Variants in TASOR2 observed in about 807,000 individuals in gnomAD.
The protein encoded by TASOR2 is transcription activation suppressor family member 2.
In TASOR2, 84 loss-of-function variants were observed where a neutral mutation model predicts 199.5. The observed-to-expected ratio is 0.42, with a 90% CI of 0.35 to 0.50. The LOEUF (loss-of-function observed/expected upper bound fraction) is 0.50. TASOR2 is among the 20% of genes least tolerant of loss of function. The probability of loss-of-function intolerance (pLI) is 0.02; values close to 1 mark genes in which losing one functional copy is unlikely to be tolerated. For synonymous variants in TASOR2, 1,103 were observed against 1,046.6 expected (o/e 1.05, Z -1.04); for missense variants, 2,796 against 2,835.9 (o/e 0.99, Z 0.32).
rs893901052 is a variant in TASOR2 at position 5,698,813 on chromosome 10, C to A, written c.-288+13638C>A. On this transcript the variant is annotated intron_variant, in intron 1 of 20. Coordinates refer to ENST00000328090, the Ensembl canonical transcript of TASOR2. The surrounding 1 kb of genome is among the most constrained non-coding windows in gnomAD (Gnocchi z 4.4). ...TCATACCCATTAAGATAGCTGTAAT[C>A]AAAAAGACAGATAATAACAAGTGTT... 1.3e-5 allele frequency among the ~76,000 whole-genome samples: 2 copies of A among 152,118 alleles called. No homozygotes were observed. Among genetic ancestry groups the A allele is most frequent in the South Asian group, 2.1e-4 (1 of 4,810 alleles).
At chr10:5,745,427 G>T (rs1244849604) in intron 14 of TASOR2, among the ~76,000 whole-genome samples, 1 of 152,150 alleles carries the variant, frequency 6.6e-6, no homozygotes, top group Non-Finnish European at 1.5e-5. Flanking sequence ...AGTTTCAGAT[G>T]ATGGTGTACT....
In TASOR2 at chr10:5,754,355, C is replaced by G. The variant is rs962647349; in HGVS notation, c.6607-2258C>G. Reference sequence around the variant, plus strand: ...ATAATGATTTTCATGAAGAAGAGAGCATGGCAATGCTAAGTTTTATTCATA... The same window carrying G: ...ATAATGATTTTCATGAAGAAGAGAGGATGGCAATGCTAAGTTTTATTCATA... On this transcript the variant is annotated intron_variant, in intron 15 of 20. Coordinates refer to ENST00000328090, the Ensembl canonical transcript of TASOR2. The surrounding 1 kb of genome is among the most constrained non-coding windows in gnomAD (Gnocchi z 4.3). Among the ~76,000 whole-genome samples the G allele has an allele frequency of 6.6e-6, 1 of 151,966 alleles. No individual in the cohort carries two copies. The highest frequency in any genetic ancestry group is 1.9e-4 in the East Asian group (1 of 5,186).
intron 14 of TASOR2, chr10:5,743,722 TATAAA>T (rs1209039756): frequency 6.6e-6 from 1 of 152,240 alleles, no homozygotes; most frequent in Non-Finnish European, 1.5e-5. Flanking sequence ...GCTAGTTTCT[TATAAA>T]ATACCATTTG....
chr10:5,692,751 G>A (rs922655390), intron 1 of TASOR2: 3 of 151,792 alleles, frequency 2.0e-5, no homozygotes, highest in African/African-American at 7.2e-5. Flanking sequence ...CGGAGCCGGC[G>A]TCGCCCTTGT....
At chr10:5,691,782 T>A (rs1038826754) in intron 1 of TASOR2, among the ~76,000 whole-genome samples, 15 of 152,266 alleles carry the variant, frequency 9.9e-5, no homozygotes, top group Non-Finnish European at 1.5e-5. Context: ...TTGATTAAAT[T>A]TTTCGTAAAT....
intron 3 of TASOR2, among the ~76,000 whole-genome samples, chr10:5,718,894 A>G (rs777164770): frequency 1.1e-4 from 16 of 152,106 alleles, no homozygotes; most frequent in Non-Finnish European, 1.8e-4. Flanking sequence ...GCAGATAATA[A>G]GCATTTCGTT....
chr10:5,727,263 C>A, intron 10 of TASOR2, 140 bp downstream of exon 11: 1 of 791,948 alleles, frequency 1.3e-6, no homozygotes, highest in South Asian at 1.7e-5. Flanking sequence ...ACTGGTTCAC[C>A]CTTCTTGACC....
intron 1 of TASOR2, among the ~76,000 whole-genome samples, chr10:5,707,879 T>C (rs1157396109): frequency 6.6e-6 from 1 of 152,172 alleles, no homozygotes; most frequent in Admixed American, 6.5e-5. Context: ...AATGTGTCTT[T>C]AACCACTGTC....
In TASOR2 at chr10:5,689,581, C is replaced by A. The variant is rs9424222; in HGVS notation, c.-288+4406C>A. Among the ~76,000 whole-genome samples the A allele has an allele frequency of 0.1, 15,774 of 152,114 alleles. 1,153 individuals are homozygous for A. The highest frequency in any genetic ancestry group is 0.21 in the Admixed American group (3,282 of 15,292). ...CGCCACTGCACTCCAGCCTGGGCGA[C>A]AGAGCAAGACTCCATCTCAAAAAAA... is the stretch of plus-strand genomic sequence containing the variant. On this transcript the variant is annotated intron_variant, in intron 1 of 20. Coordinates refer to ENST00000328090, the Ensembl canonical transcript of TASOR2. This position sits in a 1 kb window ranked among gnomAD's most constrained non-coding sequence, Gnocchi z 4.1.
rs551597287 is a variant in TASOR2, at chr10:5,712,650, A to G, written c.-287-173A>G. ...TTTTTAGCTATAATTTTTCAGACGC[A>G]GCAGATCCTTGGAAATAGTCACTTG... is the stretch of plus-strand genomic sequence containing the variant. On this transcript the variant is annotated intron_variant, in intron 1 of 20. Coordinates refer to ENST00000328090, the Ensembl canonical transcript of TASOR2. The G allele has an allele frequency of 6.8e-4, 622 of 918,268 alleles. 3 individuals carry two copies. The highest frequency in any genetic ancestry group is 3.9e-3 in the Middle Eastern group (10 of 2,550). The allele number at this position is 918,268 out of a possible 1,614,324, so 56.9% of individuals were successfully genotyped here.
chr10:5,723,649 TG>T, intron 6 of TASOR2, 27 bp from the exon 8 acceptor site: 1 of 1,366,608 alleles, frequency 7.3e-7, no homozygotes, highest in Non-Finnish European at 9.9e-7. Context: ...TTTATTATTC[TG>T]CTTGATACTG....
At chr10:5,763,236 C>G in exon 21 of TASOR2, 1 of 514,218 alleles carries the variant, frequency 1.9e-6, no homozygotes, top group Non-Finnish European at 3.4e-6. Context: ...CTTTGGGTTG[C>G]AGTGCTAGAT....
chr10:5,762,713 G>T (rs988283867), intron 20 of TASOR2, 67 bp downstream of exon 21: 2 of 793,756 alleles, frequency 2.5e-6, no homozygotes, highest in Non-Finnish European at 4.2e-6. Flanking sequence ...ATTGACATTT[G>T]TGTCTAAGGG....
chr10:5,702,832 G>A (rs1838064311), intron 1 of TASOR2, among the ~76,000 whole-genome samples: 1 of 152,024 alleles, frequency 6.6e-6, no homozygotes, highest in South Asian at 2.1e-4. Context: ...ATGCTCCAGG[G>A]AAAACTGGCG....
At chr10:5,733,037 A>G (rs1460714315) in intron 11 of TASOR2, among the ~76,000 whole-genome samples, 1 of 152,228 alleles carries the variant, frequency 6.6e-6, no homozygotes, top group Non-Finnish European at 1.5e-5. Flanking sequence ...GTATTGAATC[A>G]GTTATCTATA....
exon 2 of TASOR2, chr10:5,712,896 T>A (rs760064602): frequency 8.1e-6 from 10 of 1,230,778 alleles, no homozygotes; most frequent in Admixed American, 4.2e-5. Context: ...TACGGGTTTC[T>A]TCTGTTTGAT....
Position 5,711,662 on chromosome 10 carries a change from C to T in TASOR2, c.-287-1161C>T, listed in dbSNP as rs116248167. Among the ~76,000 whole-genome samples the T allele has an allele frequency of 3.9e-3, 599 of 152,074 alleles. 3 individuals are homozygous for T. The highest frequency in any genetic ancestry group is 0.014 in the African/African-American group (577 of 41,508). On this transcript the variant is annotated intron_variant, in intron 1 of 20. Coordinates refer to ENST00000328090, the Ensembl canonical transcript of TASOR2. Reference sequence around the variant, plus strand: ...AGTCAACATAATTACTGGATCCAGTCGGTAATTCTCAATTAGGAAACGTGC... The same window carrying T: ...AGTCAACATAATTACTGGATCCAGTTGGTAATTCTCAATTAGGAAACGTGC...
intron 1 of TASOR2, among the ~76,000 whole-genome samples, chr10:5,688,548 T>C (rs986651540): frequency 2.0e-5 from 3 of 152,106 alleles, no homozygotes; most frequent in Non-Finnish European, 1.5e-5. Flanking sequence ...AAACGTTAGC[T>C]GCAGTGTAGA....
intron 1 of TASOR2, among the ~76,000 whole-genome samples, chr10:5,704,626 C>T (rs1398834774): frequency 6.6e-6 from 1 of 151,828 alleles, no homozygotes; most frequent in East Asian, 1.9e-4. Flanking sequence ...CTTTTTATTT[C>T]CTCCTCTTAT....
Sources: allele counts gnomAD v4.1 joint callset (sites outside exome capture counted in the v4.1 genomes callset), GRCh38; gene constraint gnomAD v4.1.1; non-coding constraint Gnocchi (gnomAD v3.1); transcripts MANE v1.5; gene names NCBI Gene and HGNC (gene_info 2026-07-23, HGNC 2026-07-21).